Variants in SMG6 observed in about 807,000 individuals in gnomAD.
SMG6 encodes the protein telomerase-binding protein EST1A.
Under a neutral mutation model 142.2 loss-of-function variants are expected in SMG6, and 66 were observed. That is an observed-to-expected ratio of 0.46 (90% confidence interval 0.38 to 0.57). The LOEUF (loss-of-function observed/expected upper bound fraction) is 0.57. Ranked by LOEUF, SMG6 falls within the 20% of genes least tolerant of loss-of-function variation. The probability of loss-of-function intolerance (pLI) is 0.00; values close to 1 mark genes in which losing one functional copy is unlikely to be tolerated. For synonymous variants in SMG6, 779 were observed against 702.4 expected (o/e 1.11, Z -1.72); for missense variants, 1,793 against 1,832.0 (o/e 0.98, Z 0.39).
At chr17:2,169,944 GTT>G (rs935724342) in intron 13 of SMG6, among the ~76,000 whole-genome samples, 1 of 152,128 alleles carries the variant, frequency 6.6e-6, no homozygotes, top group African/African-American at 2.4e-5. Context: ...ATCTGTGTGT[GTT>G]TTGAAGGTAA....
rs555830660 is a variant in SMG6, at chr17:2,149,207, G to A, written c.3357+23451C>T. Among the ~76,000 whole-genome samples the A allele has an allele frequency of 9.2e-5, 14 of 151,630 alleles. No individual in the cohort carries two copies. In the East Asian group the frequency reaches 1.4e-3, roughly 15 times the overall value. ...TCTACAAAAAATACAAAAATTAGCC[G>A]GGCGTGGTGGCACATGCCTGTAATC... On this transcript the variant is annotated intron_variant, in intron 13 of 18. Coordinates refer to ENST00000263073, the MANE Select transcript of SMG6 (RefSeq NM_017575.5).
rs2068547340 is a variant in SMG6 at position 2,085,880 on chromosome 17, T to C, written c.3379A>G (p.Arg1127Gly). ...AGAAAATACTTCAGCACTGTGACCCTTTTGCAGTCAGCTGCAATAACCTAC... is the reference window on the plus strand; with the variant it reads ...AGAAAATACTTCAGCACTGTGACCCCTTTGCAGTCAGCTGCAATAACCTAC... The part of the protein sequence containing the change: ...SDKVIAADCK[R>G]VTVLKYFLEA... The change falls in exon 14 of 19, where the codon AGG becomes GGG. Residue 1127 changes from arginine (R) to glycine (G), a missense_variant. Arg to Gly is a moderately radical substitution (Grantham distance 125). This residue lies in a region of SMG6 where 1,597 missense variants were observed against 1,584.6 expected (regional missense o/e 1.01). Coordinates refer to ENST00000263073, the MANE Select transcript of SMG6 (RefSeq NM_017575.5). This position sits in a 1 kb window ranked among gnomAD's most constrained non-coding sequence, Gnocchi z 4.1. 6.2e-7 allele frequency: 1 copy of C among 1,613,858 alleles called. No homozygotes were observed. The highest frequency in any genetic ancestry group is 1.1e-5 in the South Asian group (1 of 91,070).
At chr17:2,131,530 C>A (rs2070120878) in intron 13 of SMG6, among the ~76,000 whole-genome samples, 1 of 152,136 alleles carries the variant, frequency 6.6e-6, no homozygotes, top group Non-Finnish European at 1.5e-5. Context: ...GAACTCCTAA[C>A]CTTGTGATCT....
At chr17:2,187,944 CA>C (rs1344641619) in intron 11 of SMG6, among the ~76,000 whole-genome samples, 1 of 152,146 alleles carries the variant, frequency 6.6e-6, no homozygotes, top group African/African-American at 2.4e-5. Context: ...GATACTGTCT[CA>C]ACCTAAGGGC....
chr17:2,081,525 T>C (rs1055544432), intron 15 of SMG6, among the ~76,000 whole-genome samples: 8 of 152,108 alleles, frequency 5.3e-5, no homozygotes, highest in Non-Finnish European at 1.0e-4. Context: ...TGAAAGATCA[T>C]GTATGTGTGG....
intron 10 of SMG6, among the ~76,000 whole-genome samples, chr17:2,230,123 T>C (rs1398901249): frequency 7.6e-6 from 1 of 131,116 alleles, no homozygotes; most frequent in Non-Finnish European, 1.5e-5. Context: ...GAGGCAGAGG[T>C]TGCAGTGAGC....
intron 8 of SMG6, chr17:2,255,714 T>A (rs1366640950): frequency 5.3e-6 from 1 of 187,608 alleles, no homozygotes; most frequent in African/African-American, 2.4e-5. Context: ...CGGGCCATGA[T>A]GACGATGGCG....
At chr17:2,146,477 T>C (rs1391488949) in intron 13 of SMG6, among the ~76,000 whole-genome samples, 5 of 152,254 alleles carry the variant, frequency 3.3e-5, no homozygotes, top group Non-Finnish European at 5.9e-5. Flanking sequence ...ACAAAAAGAC[T>C]AAATTTGTTT....
chr17:2,172,965 G>T, intron 12 of SMG6, 106 bp from the exon 13 acceptor site: 1 of 1,107,358 alleles, frequency 9.0e-7, no homozygotes, highest in Non-Finnish European at 1.3e-6. Flanking sequence ...ATGTTGTCTA[G>T]GCTGGCATCT....
intron 13 of SMG6, chr17:2,094,826 G>A (rs2068813710): frequency 6.6e-6 from 1 of 152,218 alleles, no homozygotes; most frequent in South Asian, 2.1e-4. Context: ...AAGCCAGATA[G>A]GAGTCTGGTC....
At chr17:2,259,718 G>A (rs1169278627) in intron 8 of SMG6, among the ~76,000 whole-genome samples, 1 of 149,254 alleles carries the variant, frequency 6.7e-6, no homozygotes, top group African/African-American at 2.5e-5. Flanking sequence ...GTGTGCATTC[G>A]CACACTAATA....
chr17:2,292,450 A>G, intron 6 of SMG6, 102 bp downstream of exon 6: 1 of 1,139,924 alleles, frequency 8.8e-7, no homozygotes, highest in South Asian at 1.3e-5. Context: ...TTTGGGCTAC[A>G]GTGATGAGAT....
At chr17:2,107,683 T>C (rs1394847230) in intron 13 of SMG6, among the ~76,000 whole-genome samples, 2 of 152,046 alleles carry the variant, frequency 1.3e-5, no homozygotes, top group Non-Finnish European at 2.9e-5. Flanking sequence ...TCTGTGAGGG[T>C]TATTTAACTT....
chr17:2,193,944 C>T (rs1247023364), intron 10 of SMG6, among the ~76,000 whole-genome samples: 1 of 152,200 alleles, frequency 6.6e-6, no homozygotes, highest in African/African-American at 2.4e-5. Flanking sequence ...GATTCTTCCG[C>T]CTCAGCCTCC....
intron 9 of SMG6, among the ~76,000 whole-genome samples, chr17:2,243,120 T>C (rs1181159938): frequency 6.6e-6 from 1 of 152,098 alleles, no homozygotes; most frequent in African/African-American, 2.4e-5. Context: ...TAAGTGAATG[T>C]CTCCACCTGT....
intron 13 of SMG6, among the ~76,000 whole-genome samples, chr17:2,141,642 C>T (rs1054942850): frequency 6.6e-6 from 1 of 152,068 alleles, no homozygotes; most frequent in Non-Finnish European, 1.5e-5. Flanking sequence ...CAGGGTCTTG[C>T]TATGTTGCAT....
intron 8 of SMG6, among the ~76,000 whole-genome samples, chr17:2,249,390 G>C (rs2073998667): frequency 6.6e-6 from 1 of 152,102 alleles, no homozygotes; most frequent in Non-Finnish European, 1.5e-5. Context: ...CTGACTCCTG[G>C]GCTCAAGCAA....
intron 10 of SMG6, among the ~76,000 whole-genome samples, chr17:2,209,373 T>A (rs1036018778): frequency 1.5e-4 from 23 of 150,626 alleles, no homozygotes; most frequent in South Asian, 1.5e-3. Context: ...CAGCTAAAAA[T>A]TTTTTTTTTG....
intron 6 of SMG6, among the ~76,000 whole-genome samples, chr17:2,289,228 T>C (rs1446276890): frequency 6.6e-6 from 1 of 151,112 alleles, no homozygotes; most frequent in Non-Finnish European, 1.5e-5. Flanking sequence ...CCAGCCTGGG[T>C]GACAAAGTGA....
Sources: gnomAD v4.1 joint callset for allele counts (sites outside exome capture counted in the v4.1 genomes callset) on GRCh38, gnomAD v4.1.1 for gene constraint, gnomAD v4.1.1 regional missense constraint, Gnocchi (gnomAD v3.1) non-coding constraint, MANE v1.5 for transcripts, NCBI Gene and HGNC (gene_info 2026-07-23, HGNC 2026-07-21) for gene names.